CR2: variants seen among roughly 807,000 people sequenced by gnomAD.
The protein encoded by CR2 is complement C3d receptor 2, also known as complement receptor type 2.
CR2 carries 96 observed loss-of-function variants against 123.0 expected under a neutral mutation model. The observed-to-expected ratio is 0.78, with a 90% CI of 0.66 to 0.93. The LOEUF (loss-of-function observed/expected upper bound fraction) is 0.93, where lower values mean the gene tolerates loss of function less well. Ranked by LOEUF, CR2 falls within the 40% of genes least tolerant of loss-of-function variation. The probability of loss-of-function intolerance (pLI) is 0.00; values close to 1 mark genes in which losing one functional copy is unlikely to be tolerated. For synonymous variants in CR2, 484 were observed against 469.5 expected (o/e 1.03, Z -0.40); for missense variants, 1,258 against 1,361.0 (o/e 0.92, Z 1.19).
intron 1 of CR2, among the ~76,000 whole-genome samples, chr1:207,462,221 A>G (rs1169072015): frequency 2.0e-5 from 3 of 152,202 alleles, no homozygotes; most frequent in Non-Finnish European, 4.4e-5. Flanking sequence ...CACTAGTTGT[A>G]AAGGCCAACT....
chr1:207,479,976 A>C lies in CR2; in HGVS notation c.3113-2A>C. 1 of 1,610,864 alleles carries C rather than the reference A, an allele frequency of 6.2e-7. No individual in the cohort carries two copies. The highest frequency in any genetic ancestry group is 8.5e-7 in the Non-Finnish European group (1 of 1,177,256). On this transcript the variant is annotated splice_acceptor_variant, in intron 17 of 19. Coordinates refer to ENST00000367057, the MANE Select transcript of CR2 (RefSeq NM_001006658.3). LOFTEE classifies it high-confidence loss of function. ...TTGATACTTGCTGGATTTTTCTTCT[A>C]GGTATTGCTGCAGGTTTGATACTTC... is the stretch of plus-strand genomic sequence containing the variant.
chr1:207,468,392 T>C, intron 2 of CR2, 135 bp from the exon 3 acceptor site: 1 of 796,488 alleles, frequency 1.3e-6, no homozygotes, highest in Non-Finnish European at 2.1e-6. Flanking sequence ...TGTTAGCGTA[T>C]ATTATGTGTG....
chr1:207,485,032 A>T (rs758065789), intron 18 of CR2, among the ~76,000 whole-genome samples: 2 of 152,240 alleles, frequency 1.3e-5, no homozygotes, highest in Non-Finnish European at 2.9e-5. Context: ...TTTCCAAAAA[A>T]TGGAGTTACA....
In CR2 at chr1:207,473,630, C is replaced by T. The variant is rs377320082; in HGVS notation, c.2064C>T (p.Tyr688=). 8 of 1,613,928 alleles carry T rather than the reference C, an allele frequency of 5.0e-6. No individual in the cohort carries two copies. Among genetic ancestry groups the T allele is most frequent in the African/African-American group, 2.7e-5 (2 of 74,916 alleles). The change falls in exon 11 of 20, where the codon TAC becomes TAT. Residue 688 remains tyrosine (Y), a synonymous_variant. Coordinates refer to ENST00000367057, the MANE Select transcript of CR2 (RefSeq NM_001006658.3). ...TTGTCTCTGGGATGACTGTAGACTA[C>T]ACTTGTGACCCTGGCTATTTGCTTG... ...VFFVSGMTVD[Y]TCDPGYLLVG...
At chr1:207,470,152 A>G (rs776266399) in intron 6 of CR2, 50 bp downstream of exon 6, 1 of 1,609,180 alleles carries the variant, frequency 6.2e-7, no homozygotes, top group Non-Finnish European at 8.5e-7. Context: ...TTTCTGAAAA[A>G]TTAGAAGAAG....
chr1:207,469,567 C>A, intron 5 of CR2, 128 bp from the exon 6 acceptor site: 1 of 850,088 alleles, frequency 1.2e-6, no homozygotes, highest in Non-Finnish European at 2.0e-6. Context: ...GTTGCTTTAG[C>A]TGCCTTGACT....
At chr1:207,464,758 A>G (rs998624808) in intron 1 of CR2, among the ~76,000 whole-genome samples, 4 of 152,344 alleles carry the variant, frequency 2.6e-5, no homozygotes, top group Middle Eastern at 3.4e-3. Context: ...AGAATCCTCT[A>G]CTGCCAAAGT....
intron 1 of CR2, among the ~76,000 whole-genome samples, chr1:207,458,057 A>AC (rs1657876224): frequency 1.3e-4 from 3 of 22,660 alleles, no homozygotes; most frequent in African/African-American, 5.1e-4. Flanking sequence ...CCTCAAGGCC[A>AC]CAACACACAC....
Position 207,489,630 on chromosome 1 carries a change from C to G in CR2, c.*507C>G, listed in dbSNP as rs1387761439. 1 of 152,132 alleles carries G rather than the reference C, an allele frequency of 6.6e-6. No homozygotes were observed. The highest frequency in any genetic ancestry group is 2.1e-4 in the South Asian group (1 of 4,830). 9.4% of individuals were successfully genotyped at this position (152,132 alleles called of 1,614,324 possible). ...AGCTTCCTCCTCTGGTGGTGTTAAT[C>G]ATTTCATTTTTACCCTTACTTGGTT... On this transcript the variant is annotated 3_prime_UTR_variant, in exon 20 of 20. Transcript: ENST00000367057.
At chr1:207,481,201 G>A (rs577703265) in intron 18 of CR2, among the ~76,000 whole-genome samples, 1 of 151,478 alleles carries the variant, frequency 6.6e-6, no homozygotes, top group South Asian at 2.1e-4. Flanking sequence ...TTATTTTATG[G>A]TATGGTAGTT....
intron 15 of CR2, among the ~76,000 whole-genome samples, chr1:207,477,440 G>C (rs1367659180): frequency 1.3e-5 from 2 of 151,990 alleles, no homozygotes; most frequent in Non-Finnish European, 2.9e-5. Flanking sequence ...GATTTGAGTG[G>C]GGACACAGCC....
Position 207,470,889 on chromosome 1 carries a change from T to G in CR2, c.1375T>G (p.Trp459Gly), listed in dbSNP as rs1658256312. 2 of 1,613,868 alleles carry G rather than the reference T, an allele frequency of 1.2e-6. No individual in the cohort carries two copies. Among genetic ancestry groups the G allele is most frequent in the South Asian group, 2.2e-5 (2 of 91,076 alleles). ...ESIQCTSEGV[W>G]TPPVPQCKVA... ...CATACAGTGTACCTCTGAGGGGGTG[T>G]GGACACCCCCTGTACCCCAATGCAA... Residue 459 changes from tryptophan to glycine, a missense_variant, in exon 7 of 20, where the codon TGG becomes GGG. Trp to Gly is a radical substitution (Grantham distance 184). Coordinates refer to ENST00000367057, the MANE Select transcript of CR2 (RefSeq NM_001006658.3).
chr1:207,464,409 C>G (rs567635553), intron 1 of CR2, among the ~76,000 whole-genome samples: 1 of 152,310 alleles, frequency 6.6e-6, no homozygotes, highest in East Asian at 1.9e-4. Flanking sequence ...CACTCCCAGC[C>G]ATCCCCCATG....
chr1:207,481,512 G>A (rs993809083), intron 18 of CR2, among the ~76,000 whole-genome samples: 4 of 151,658 alleles, frequency 2.6e-5, no homozygotes, highest in Non-Finnish European at 4.4e-5. Flanking sequence ...ATTTATTTTT[G>A]CAGATAGGCT....
rs771520863 is a variant in CR2 at position 207,479,258 on chromosome 1, T to C, written c.3090T>C (p.Arg1030=). Residue 1030 remains arginine, a splice_region_variant and synonymous_variant, in exon 17 of 20, where the codon CGT becomes CGC. Coordinates refer to ENST00000367057, the MANE Select transcript of CR2 (RefSeq NM_001006658.3). ...TTCATGATTTTGTACTATTTTTAGG[T>C]TCACTTGCTCCTGTCCTTTGTGGTA... is the stretch of plus-strand genomic sequence containing the variant. The part of the protein sequence containing the change: ...WNPPLAVCRS[R]SLAPVLCGIA... 2.1e-5 allele frequency: 33 copies of C among 1,596,676 alleles called. No individual in the cohort carries two copies. Among genetic ancestry groups the C allele is most frequent in the Admixed American group, 1.0e-4 (6 of 59,944 alleles).
Position 207,474,827 on chromosome 1 carries a change from T to C in CR2, c.2327T>C (p.Ile776Thr). ...ACTCCCTAAATCTCTTCTGCAGTTA[T>C]TCACTGTCACCCTCCACCAGTGATT... ...WFKKIPLCKV[I>T]HCHPPPVIVN... Residue 776 changes from isoleucine to threonine, a missense_variant, in exon 14 of 20, where the codon ATT (isoleucine) becomes ACT (threonine). Physicochemically the swap from Ile to Thr is moderately conservative, Grantham distance 89 (BLOSUM62 -1). Coordinates refer to ENST00000367057, the MANE Select transcript of CR2 (RefSeq NM_001006658.3). 1.2e-6 allele frequency: 2 copies of C among 1,614,014 alleles called. No homozygotes were observed. Among genetic ancestry groups the C allele is most frequent in the South Asian group, 2.2e-5 (2 of 91,082 alleles).
intron 19 of CR2, among the ~76,000 whole-genome samples, chr1:207,487,386 A>G (rs563578618): frequency 2.6e-4 from 40 of 152,176 alleles, no homozygotes; most frequent in Non-Finnish European, 5.0e-4. Context: ...TCCTAGGTTC[A>G]AGTGATTCTC....
chr1:207,463,712 C>T (rs1249465251), intron 1 of CR2, among the ~76,000 whole-genome samples: 6 of 152,008 alleles, frequency 3.9e-5, no homozygotes, highest in African/African-American at 9.7e-5. Context: ...AAACGTGTGC[C>T]GCGAGATTTC....
rs553838223 is a variant in CR2, at chr1:207,475,211, A to G, written c.2711A>G (p.Lys904Arg). Residue 904 changes from lysine to arginine, a missense_variant, in exon 14 of 20, where the codon AAA becomes AGA. Physicochemically the swap from Lys to Arg is conservative, Grantham distance 26. Transcript: ENST00000367057. ...TWVPGVPTCI[K>R]KAFIGCPPPP... Reference sequence around the variant, plus strand: ...GTGCCAGGTGTGCCAACTTGTATCAAAAAAGGTAAGATACTTGGAAGGGAT... The same window carrying G: ...GTGCCAGGTGTGCCAACTTGTATCAGAAAAGGTAAGATACTTGGAAGGGAT... 1.9e-6 allele frequency: 3 copies of G among 1,613,982 alleles called. No individual in the cohort carries two copies. The highest frequency in any genetic ancestry group is 2.7e-5 in the African/African-American group (2 of 75,038).
Sources: gnomAD v4.1 joint callset for allele counts (sites outside exome capture counted in the v4.1 genomes callset) on GRCh38, gnomAD v4.1.1 for gene constraint, MANE v1.5 for transcripts, NCBI Gene and HGNC (gene_info 2026-07-23, HGNC 2026-07-21) for gene names.